The following OCA2 variants were observed in gnomAD, a reference collection of about 807,000 sequenced individuals.
OCA2 encodes OCA2 melanosomal transmembrane protein.
Under a neutral mutation model 100.2 loss-of-function variants are expected in OCA2, and 77 were observed. The observed-to-expected ratio is 0.77, with a 90% CI of 0.64 to 0.93. OCA2 has a LOEUF of 0.93. OCA2 is among the 40% of genes least tolerant of loss of function. The pLI, the probability that OCA2 is intolerant of heterozygous loss-of-function variation, is 0.00. For synonymous variants in OCA2, 432 were observed against 439.2 expected (o/e 0.98, Z 0.21); for missense variants, 1,062 against 1,089.1 (o/e 0.98, Z 0.35).
At chr15:27,871,002 A>C in intron 21 of OCA2, 152 bp downstream of exon 21, 5 of 700,832 alleles carry the variant, frequency 7.1e-6, no homozygotes, top group Non-Finnish European at 1.3e-5. Flanking sequence ...CTCCCCACCC[A>C]GCTGCCCTGG....
chr15:27,826,057 G>C (rs2034709380), intron 23 of OCA2, among the ~76,000 whole-genome samples: 1 of 152,156 alleles, frequency 6.6e-6, no homozygotes, highest in African/African-American at 2.4e-5. Flanking sequence ...GTAAATACAA[G>C]GACTACCCAT....
At chr15:27,846,162 T>C (rs2035528902) in intron 22 of OCA2, among the ~76,000 whole-genome samples, 1 of 152,126 alleles carries the variant, frequency 6.6e-6, no homozygotes, top group Admixed American at 6.5e-5. Context: ...GGGGCAGTGC[T>C]GGCCCAGACA....
chr15:27,976,698 T>G (rs561147515), intron 14 of OCA2, among the ~76,000 whole-genome samples: 23 of 152,360 alleles, frequency 1.5e-4, no homozygotes, highest in Middle Eastern at 3.4e-3. Flanking sequence ...TATTTATCTA[T>G]AGTTGCCTTT....
intron 15 of OCA2, among the ~76,000 whole-genome samples, chr15:27,958,161 T>A (rs980802685): frequency 1.3e-5 from 2 of 152,186 alleles, no homozygotes; most frequent in African/African-American, 2.4e-5. Flanking sequence ...GTAACAAACC[T>A]GCACGTTGTG....
intron 9 of OCA2, among the ~76,000 whole-genome samples, chr15:28,003,252 G>A (rs1206096540): frequency 1.3e-5 from 2 of 152,248 alleles, no homozygotes; most frequent in Non-Finnish European, 1.5e-5. Context: ...TAGCCTGTGA[G>A]CTGCCAACTC....
In OCA2 at chr15:27,755,461, G is replaced by T. The variant is rs749886695; in HGVS notation, c.2444C>A (p.Pro815Gln). The T allele has an allele frequency of 1.2e-6, 2 of 1,613,328 alleles. No individual in the cohort carries two copies. Among genetic ancestry groups the T allele is most frequent in the African/African-American group, 2.7e-5 (2 of 74,900 alleles). Residue 815 changes from proline (P) to glutamine (Q), a missense_variant, in exon 24 of 24, where the codon CCA (proline) becomes CAA (glutamine). Pro to Gln is a moderately conservative substitution (Grantham distance 76). Coordinates refer to ENST00000354638, the MANE Select transcript of OCA2 (RefSeq NM_000275.3). Reference sequence around the variant, plus strand: ...AACAGTGCAGGACACAACCATCATTGGGAAGCCCAGCCTGAAATACAAAGA... The same window carrying T: ...AACAGTGCAGGACACAACCATCATTTGGAAGCCCAGCCTGAAATACAAAGA... ...SFMEFFRLGF[P>Q]MMVVSCTVGM...
intron 23 of OCA2, among the ~76,000 whole-genome samples, chr15:27,829,480 G>T (rs2034869554): frequency 6.6e-6 from 1 of 152,188 alleles, no homozygotes; most frequent in Non-Finnish European, 1.5e-5. Flanking sequence ...TCTAGGCTTT[G>T]TCCATTCAAC....
At chr15:28,051,652 G>C (rs1403495046) in intron 2 of OCA2, among the ~76,000 whole-genome samples, 2 of 139,936 alleles carry the variant, frequency 1.4e-5, no homozygotes, top group Non-Finnish European at 3.0e-5. Context: ...AGGCTGCCCA[G>C]GCTGGAGTGT....
chr15:27,789,742 T>C (rs1354010733), intron 23 of OCA2, among the ~76,000 whole-genome samples: 2 of 152,222 alleles, frequency 1.3e-5, no homozygotes, highest in African/African-American at 2.4e-5. Context: ...TGAAAAATTA[T>C]AGTCTTTTCA....
At chr15:27,722,416 T>C in the OCA2 span, among the ~76,000 whole-genome samples, 3 of 152,332 alleles carry the variant, frequency 2.0e-5, no homozygotes, top group Admixed American at 2.0e-4. Context: ...CCTGGCAGCC[T>C]TGTGGCTGTG....
intron 21 of OCA2, among the ~76,000 whole-genome samples, chr15:27,854,584 C>T (rs941734946): frequency 6.6e-6 from 1 of 152,220 alleles, no homozygotes; most frequent in Non-Finnish European, 1.5e-5. Context: ...CAGGGTGCTC[C>T]CATGCAGTCC....
In OCA2 at chr15:27,985,194, C is replaced by T. The variant is rs766585260; in HGVS notation, c.1240-6G>A. The T allele has an allele frequency of 1.2e-6, 2 of 1,600,448 alleles. No homozygotes were observed. The highest frequency in any genetic ancestry group is 1.7e-6 in the Non-Finnish European group (2 of 1,169,710). ...CCCCGGGAGAGCCGGTATGCCTGGC[C>T]ACACACACACAGAGAGAGTACAAGC... is the stretch of plus-strand genomic sequence containing the variant. On this transcript the variant is annotated splice_polypyrimidine_tract_variant and splice_region_variant and intron_variant, in intron 12 of 23. Coordinates refer to ENST00000354638, the MANE Select transcript of OCA2 (RefSeq NM_000275.3).
intron 14 of OCA2, among the ~76,000 whole-genome samples, chr15:27,969,991 T>C (rs1053472339): frequency 2.0e-5 from 3 of 151,448 alleles, no homozygotes; most frequent in Non-Finnish European, 4.4e-5. Flanking sequence ...TTTGAAAATA[T>C]AATCCTGTCT....
chr15:27,883,553 C>T (rs2037107872), intron 19 of OCA2, among the ~76,000 whole-genome samples: 1 of 152,202 alleles, frequency 6.6e-6, no homozygotes, highest in Non-Finnish European at 1.5e-5. Context: ...GGACCTCACG[C>T]CCCCTGCGGA....
the OCA2 span, among the ~76,000 whole-genome samples, chr15:27,721,899 T>C: frequency 6.6e-6 from 1 of 151,192 alleles, no homozygotes; most frequent in African/African-American, 2.4e-5. Context: ...AATATCCTTC[T>C]ATCTACACAC....
At chr15:27,740,016 A>G in the OCA2 span, among the ~76,000 whole-genome samples, 1 of 152,192 alleles carries the variant, frequency 6.6e-6, no homozygotes, top group Non-Finnish European at 1.5e-5. Context: ...ATGTTTGACT[A>G]TACACTGGTT....
intron 9 of OCA2, among the ~76,000 whole-genome samples, chr15:28,002,547 T>C (rs1211086633): frequency 1.3e-5 from 2 of 152,078 alleles, no homozygotes; most frequent in African/African-American, 4.8e-5. Context: ...GGATGAAAGC[T>C]TTTGGGGAGG....
At chr15:27,973,960 G>C (rs1363237342) in intron 14 of OCA2, among the ~76,000 whole-genome samples, 2 of 152,154 alleles carry the variant, frequency 1.3e-5, no homozygotes, top group Non-Finnish European at 2.9e-5. Flanking sequence ...GAAAGGGATT[G>C]AGTTCTTGAT....
chr15:28,054,173 T>C (rs2043608964), intron 2 of OCA2, among the ~76,000 whole-genome samples: 1 of 152,166 alleles, frequency 6.6e-6, no homozygotes. Flanking sequence ...ATTATAGGTA[T>C]ATGTGTGTAT....
Sources: gnomAD v4.1 joint callset for allele counts (sites outside exome capture counted in the v4.1 genomes callset) on GRCh38, gnomAD v4.1.1 for gene constraint, MANE v1.5 for transcripts, NCBI Gene and HGNC (gene_info 2026-07-23, HGNC 2026-07-21) for gene names.